Variants in ITM2B observed in about 807,000 individuals in gnomAD.
ITM2B encodes integral membrane protein 2B.
In ITM2B, 11 loss-of-function variants were observed where a neutral mutation model predicts 27.8. That is an observed-to-expected ratio of 0.40 (90% confidence interval 0.25 to 0.66). ITM2B has a LOEUF of 0.66. Among genes scored for constraint, ITM2B ranks in the 30% least tolerant of loss-of-function variants. ITM2B has a pLI of 0.43. For missense variants in ITM2B, 296 were observed against 328.9 expected (o/e 0.90, Z 0.77); for synonymous variants, 114 against 114.3 (o/e 1.00, Z 0.02).
intron 1 of ITM2B, among the ~76,000 whole-genome samples, chr13:48,235,692 A>C (rs1211391942): frequency 1.3e-5 from 2 of 152,118 alleles, no homozygotes; most frequent in African/African-American, 4.8e-5. Flanking sequence ...ACCTTGTCTG[A>C]CTGCCTGGAC....
In ITM2B at chr13:48,245,318, C is replaced by T. The variant is rs569314717; in HGVS notation, c.118-8490C>T. On this transcript the variant is annotated intron_variant, in intron 1 of 5. Coordinates refer to ENST00000647800, the MANE Select transcript of ITM2B (RefSeq NM_021999.5). ...TCCAGCCTGGGTGACAGTGAGACTC[C>T]GTCTCAAAAAAAAAAAAAATGGTTA... 5.5e-5 allele frequency among the ~76,000 whole-genome samples: 8 copies of T among 146,546 alleles called. No individual in the cohort carries two copies. The East Asian group carries it at 6.0e-4, about 11-fold the overall frequency.
At chr13:48,236,313 C>T (rs1480475763) in intron 1 of ITM2B, among the ~76,000 whole-genome samples, 1 of 152,114 alleles carries the variant, frequency 6.6e-6, no homozygotes. Context: ...ATTTTTGTGG[C>T]AATACTTTGA....
intron 1 of ITM2B, among the ~76,000 whole-genome samples, chr13:48,247,169 A>G (rs1027900652): frequency 1.3e-5 from 2 of 152,110 alleles, no homozygotes; most frequent in Admixed American, 1.3e-4. Context: ...AAATTTTTTT[A>G]ATGTCCCAGC....
chr13:48,261,127 C>G lies in ITM2B; in HGVS notation c.716-12C>G, dbSNP rs760641262. 6.3e-7 allele frequency: 1 copy of G among 1,595,082 alleles called. No individual in the cohort carries two copies. The highest frequency in any genetic ancestry group is 1.1e-5 in the South Asian group (1 of 87,952). On this transcript the variant is annotated splice_polypyrimidine_tract_variant and intron_variant, in intron 5 of 5. Coordinates refer to ENST00000647800, the MANE Select transcript of ITM2B (RefSeq NM_021999.5). ...ATCAAAATTTTAAAAAACTTTTTTC[C>G]CTCTCCAACAGGTATTCAGAAACGT...
chr13:48,259,125 CTT>C (rs1407181966), intron 5 of ITM2B, among the ~76,000 whole-genome samples, 178 bp downstream of exon 5: 1 of 152,200 alleles, frequency 6.6e-6, no homozygotes, highest in Non-Finnish European at 1.5e-5. Flanking sequence ...TAAGTCCACT[CTT>C]TTCAGGTGGA....
In ITM2B at chr13:48,266,274, C is replaced by G. The variant is rs1951853048; in HGVS notation, c.*5050C>G. 6.6e-6 allele frequency: 1 copy of G among 152,122 alleles called. No homozygotes were observed. The highest frequency in any genetic ancestry group is 1.5e-5 in the Non-Finnish European group (1 of 68,050). 9.4% of individuals were successfully genotyped at this position (152,122 alleles called of 1,614,324 possible). ...TGCATCCTAGCCTTTTAGTTTTGGC[C>G]TCATATAAGCTTGCAGCCCTGCCTG... On this transcript the variant is annotated 3_prime_UTR_variant, in exon 6 of 6. Coordinates refer to ENST00000647800, the MANE Select transcript of ITM2B (RefSeq NM_021999.5).
rs2138000677 is a variant in ITM2B at position 48,264,661 on chromosome 13, A to G, written c.*3437A>G. 1 of 152,292 alleles carries G rather than the reference A, an allele frequency of 6.6e-6. No homozygotes were observed. Among genetic ancestry groups the G allele is most frequent in the Non-Finnish European group, 1.5e-5 (1 of 68,020 alleles). The allele number at this position is 152,292 out of a possible 1,614,324, so 9.4% of individuals were successfully genotyped here. On this transcript the variant is annotated 3_prime_UTR_variant, in exon 6 of 6. Coordinates refer to ENST00000647800, the MANE Select transcript of ITM2B (RefSeq NM_021999.5). ...AACTCTTTGGGACTTAGGTTCCTAGATAAGGACTTCATGTGTATCTATTTA... is the reference window on the plus strand; with the variant it reads ...AACTCTTTGGGACTTAGGTTCCTAGGTAAGGACTTCATGTGTATCTATTTA...
intron 3 of ITM2B, 104 bp downstream of exon 3, chr13:48,256,487 G>A: frequency 1.1e-6 from 1 of 947,208 alleles, no homozygotes; most frequent in South Asian, 1.4e-5. Flanking sequence ...TTAGAGTTTA[G>A]TTTAATAAAC....
At chr13:48,248,676 T>G (rs774623571) in intron 1 of ITM2B, among the ~76,000 whole-genome samples, 5 of 152,098 alleles carry the variant, frequency 3.3e-5, no homozygotes, top group Non-Finnish European at 7.4e-5. Flanking sequence ...GAGCCACACA[T>G]AAAATACACT....
At chr13:48,238,178 A>G (rs1450910448) in intron 1 of ITM2B, among the ~76,000 whole-genome samples, 3 of 152,320 alleles carry the variant, frequency 2.0e-5, no homozygotes, top group Admixed American at 6.5e-5. Flanking sequence ...AACACTAAGG[A>G]CATCATTTTT....
chr13:48,255,095 C>CA, intron 2 of ITM2B: 1 of 151,530 alleles, frequency 6.6e-6, no homozygotes, highest in East Asian at 2.0e-4. Context: ...AGGCTGGTCT[C>CA]AAACTCCTGA....
chr13:48,251,176 C>T (rs1446010679), intron 1 of ITM2B, among the ~76,000 whole-genome samples: 3 of 152,224 alleles, frequency 2.0e-5, no homozygotes, highest in African/African-American at 7.2e-5. Context: ...CCATATTGGG[C>T]ACTCCAGCCA....
At chr13:48,234,508 C>T (rs1029309611) in intron 1 of ITM2B, among the ~76,000 whole-genome samples, 8 of 151,844 alleles carry the variant, frequency 5.3e-5, no homozygotes, top group Non-Finnish European at 1.0e-4. Flanking sequence ...TTAGTTTTAA[C>T]TTAAAAAAAT....
chr13:48,257,688 A>G (rs1951798066), intron 3 of ITM2B, among the ~76,000 whole-genome samples: 1 of 152,194 alleles, frequency 6.6e-6, no homozygotes, highest in Non-Finnish European at 1.5e-5. Context: ...AGCGTTTCTC[A>G]TTTGAACCAC....
rs1347187814 is a variant in ITM2B, at chr13:48,264,597, A to G, written c.*3373A>G. On this transcript the variant is annotated 3_prime_UTR_variant, in exon 6 of 6. Coordinates refer to ENST00000647800, the MANE Select transcript of ITM2B (RefSeq NM_021999.5). ...CAAAGAGTTTGTTGCCCAGAGTTAT[A>G]TAAATCCTACTCTATTGCACACTAA... 1 of 152,198 alleles carries G rather than the reference A, an allele frequency of 6.6e-6. No individual in the cohort carries two copies. The highest frequency in any genetic ancestry group is 2.4e-5 in the African/African-American group (1 of 41,456). The allele number at this position is 152,198 out of a possible 1,614,324, so 9.4% of individuals were successfully genotyped here. A position where few individuals can be genotyped will look rare whatever the true frequency, so the allele number is the denominator to read the frequency against.
At chr13:48,246,007 T>C (rs1034068187) in intron 1 of ITM2B, among the ~76,000 whole-genome samples, 7 of 152,182 alleles carry the variant, frequency 4.6e-5, no homozygotes, top group Admixed American at 1.3e-4. Context: ...CTCAATCTCC[T>C]GACCTCATGA....
At chr13:48,260,148 T>C (rs1951813288) in intron 5 of ITM2B, among the ~76,000 whole-genome samples, 1 of 152,288 alleles carries the variant, frequency 6.6e-6, no homozygotes, top group East Asian at 1.9e-4. Flanking sequence ...GGTTTCCAGC[T>C]TCATCCACGT....
intron 1 of ITM2B, among the ~76,000 whole-genome samples, chr13:48,239,622 ACT>A (rs1467984548): frequency 6.6e-6 from 1 of 152,040 alleles, no homozygotes; most frequent in East Asian, 1.9e-4. Context: ...ACACAGCAAG[ACT>A]CTGTCTCAAA....
intron 2 of ITM2B, among the ~76,000 whole-genome samples, chr13:48,255,268 CGT>C (rs1170032842): frequency 6.6e-6 from 1 of 151,318 alleles, no homozygotes; most frequent in African/African-American, 2.4e-5. Context: ...CGCGCGTGTG[CGT>C]GCGCGCACGT....
Sources: allele counts gnomAD v4.1 joint callset (sites outside exome capture counted in the v4.1 genomes callset), GRCh38; gene constraint gnomAD v4.1.1; transcripts MANE v1.5; gene names NCBI Gene and HGNC (gene_info 2026-07-23, HGNC 2026-07-21).